The following NRK variants were observed in gnomAD, a reference collection of about 807,000 sequenced individuals.
The protein encoded by NRK is Nik related kinase, also known as nik-related protein kinase.
Under a neutral mutation model 125.2 loss-of-function variants are expected in NRK, and 67 were observed. That is an observed-to-expected ratio of 0.54 (90% CI 0.44 to 0.66). The LOEUF is 0.66. Ranked by LOEUF, NRK falls within the 30% of genes least tolerant of loss-of-function variation. NRK has a pLI of 0.00. For synonymous variants in NRK, 458 were observed against 429.0 expected (o/e 1.07, Z -0.84); for missense variants, 1,224 against 1,192.9 (o/e 1.03, Z -0.38).
chrX:105,860,568 C>T (rs759685657), intron 2 of NRK, among the ~76,000 whole-genome samples: 7 of 110,350 alleles, frequency 6.3e-5, no homozygotes, highest in African/African-American at 2.0e-4. Context: ...ATCCCCCAGG[C>T]CCCCTGCCCC....
intron 27 of NRK, among the ~76,000 whole-genome samples, chrX:105,950,652 C>T (rs2040883991): frequency 9.3e-6 from 1 of 107,676 alleles, no homozygotes; most frequent in Non-Finnish European, 1.9e-5. Flanking sequence ...CATTGTGTCC[C>T]ATCTCAGAAA....
intron 8 of NRK, among the ~76,000 whole-genome samples, chrX:105,898,929 G>A (rs1203334479): frequency 9.0e-6 from 1 of 111,563 alleles, no homozygotes; most frequent in Non-Finnish European, 1.9e-5. Flanking sequence ...ATACCACTGA[G>A]AGTTACCTGC....
chrX:105,951,895 A>G (rs927247694), intron 27 of NRK, among the ~76,000 whole-genome samples: 3 of 112,927 alleles, frequency 2.7e-5, no homozygotes, highest in African/African-American at 3.2e-5. Context: ...GTTGTTGTTG[A>G]CAAAAATATC....
At position 105,909,855 on chromosome X, in the gene NRK, T is replaced by C. The variant is rs1226631383; in HGVS notation, c.2214T>C (p.His738=). ...GATGGGAAGATATCTTTAATCAGCA[T>C]GAGGAAGAATTGAGACAAGTTGATA... ...QRRWEDIFNQ[H]EEELRQVDKD... Residue 738 remains histidine (H), a synonymous_variant, in exon 13 of 29, where the codon CAT becomes CAC. Coordinates refer to ENST00000243300, the MANE Select transcript of NRK (RefSeq NM_198465.4). The C allele has an allele frequency of 8.7e-7, 1 of 1,144,862 alleles. No homozygotes were observed. Among genetic ancestry groups the C allele is most frequent in the East Asian group, 3.2e-5 (1 of 31,650 alleles). The allele number at this position is 1,144,862 out of a possible 1,213,427, so 94.3% of individuals were successfully genotyped here.
intron 9 of NRK, among the ~76,000 whole-genome samples, chrX:105,902,852 C>G (rs1161952993): frequency 9.0e-6 from 1 of 111,300 alleles, no homozygotes; most frequent in Non-Finnish European, 1.9e-5. Context: ...AAACCAACCC[C>G]CTACCCCTAG....
At chrX:105,829,908 C>T (rs1324684232) in intron 1 of NRK, among the ~76,000 whole-genome samples, 1 of 110,774 alleles carries the variant, frequency 9.0e-6, no homozygotes, top group Admixed American at 9.6e-5. Context: ...AAAGTAATTA[C>T]GGTTTTGCCA....
chrX:105,902,660 G>A (rs545810921), intron 9 of NRK, among the ~76,000 whole-genome samples: 6 of 111,886 alleles, frequency 5.4e-5, no homozygotes, highest in Middle Eastern at 4.6e-3. Context: ...GGAGGTGAGC[G>A]GCGAGCAAGT....
In NRK at chrX:105,940,032, C is replaced by G. The variant is rs199847315; in HGVS notation, c.3958C>G (p.Leu1320Val). 7.8e-6 allele frequency: 9 copies of G among 1,153,361 alleles called. No homozygotes were observed. Among genetic ancestry groups the G allele is most frequent in the Non-Finnish European group, 1.1e-5 (9 of 856,720 alleles). ...KLTGCEHFSV[L>V]QHEETTYIAI... ...AACAGGCTGTGAACACTTCAGTGTC[C>G]GTAAGCCACATTTCATGTTTACTAC... is the stretch of plus-strand genomic sequence containing the variant. Residue 1320 changes from leucine (L) to valine (V), a missense_variant and splice_region_variant, in exon 23 of 29, where the codon CTC (leucine) becomes GTC (valine). Physicochemically the swap from Leu to Val is conservative, Grantham distance 32 (BLOSUM62 1). Coordinates refer to ENST00000243300, the MANE Select transcript of NRK (RefSeq NM_198465.4).
intron 1 of NRK, among the ~76,000 whole-genome samples, chrX:105,826,812 A>T (rs1259535846): frequency 9.0e-6 from 1 of 111,016 alleles, no homozygotes; most frequent in Non-Finnish European, 1.9e-5. Flanking sequence ...TCAGTTAACT[A>T]TAATTGAAAT....
intron 22 of NRK, 113 bp from the exon 23 acceptor site, chrX:105,939,760 GC>G (rs2040713080): frequency 4.5e-6 from 2 of 440,598 alleles, no homozygotes; most frequent in Non-Finnish European, 7.6e-6. Flanking sequence ...TTTTTAAGGT[GC>G]TTTTTACGTT....
chrX:105,823,017 C>T, intron 1 of NRK, 115 bp downstream of exon 1: 2 of 706,616 alleles, frequency 2.8e-6, no homozygotes, highest in South Asian at 3.0e-5. Flanking sequence ...CGACGGGTCC[C>T]CCGGGCGCGG....
intron 23 of NRK, among the ~76,000 whole-genome samples, chrX:105,943,224 T>A (rs2040768381): frequency 8.9e-6 from 1 of 111,808 alleles, no homozygotes. Context: ...GGTGTGAAAT[T>A]TGGACTCCAA....
intron 2 of NRK, among the ~76,000 whole-genome samples, chrX:105,871,448 A>G (rs1349422829): frequency 1.8e-5 from 2 of 108,943 alleles, no homozygotes; most frequent in African/African-American, 6.9e-5. Flanking sequence ...CTTCTCCCAT[A>G]TTGTTTGGTA....
At chrX:105,924,423 G>T (rs928690015) in intron 18 of NRK, among the ~76,000 whole-genome samples, 2 of 111,401 alleles carry the variant, frequency 1.8e-5, no homozygotes, top group Non-Finnish European at 3.8e-5. Context: ...CCTAATACAC[G>T]CACCTAACAA....
At chrX:105,847,217 C>T (rs1308148041) in intron 2 of NRK, among the ~76,000 whole-genome samples, 1 of 112,176 alleles carries the variant, frequency 8.9e-6, no homozygotes, top group Non-Finnish European at 1.9e-5. Context: ...GATCCAATGT[C>T]TACAACTCTC....
At chrX:105,924,096 G>A (rs1392376740) in intron 18 of NRK, among the ~76,000 whole-genome samples, 1 of 108,773 alleles carries the variant, frequency 9.2e-6, no homozygotes, top group Admixed American at 9.9e-5. Flanking sequence ...CAAAAAGAGA[G>A]CATTGGCACA....
chrX:105,878,802 C>T (rs1348062890), intron 2 of NRK, among the ~76,000 whole-genome samples: 1 of 111,509 alleles, frequency 9.0e-6, no homozygotes, highest in Non-Finnish European at 1.9e-5. Context: ...GTCTCTGAAC[C>T]CTATCCCAAG....
At chrX:105,952,932 A>G (rs1256905526) in intron 27 of NRK, 102 bp from the exon 28 acceptor site, 6 of 695,319 alleles carry the variant, frequency 8.6e-6, no homozygotes, top group Non-Finnish European at 1.2e-5. Context: ...CTGAACTGTA[A>G]CAATGAGCCT....
intron 4 of NRK, among the ~76,000 whole-genome samples, chrX:105,884,364 T>C (rs896389115): frequency 4.5e-5 from 5 of 110,352 alleles, no homozygotes; most frequent in African/African-American, 1.6e-4. Context: ...GAGATATAAA[T>C]ACCGGGCATT....
Sources: allele counts gnomAD v4.1 joint callset (sites outside exome capture counted in the v4.1 genomes callset), GRCh38; gene constraint gnomAD v4.1.1; transcripts MANE v1.5; gene names NCBI Gene and HGNC (gene_info 2026-07-23, HGNC 2026-07-21).